Variants in RASGRF2 observed in about 807,000 individuals in gnomAD.
RASGRF2 encodes Ras protein specific guanine nucleotide releasing factor 2.
A neutral mutation model predicts 151.0 loss-of-function variants in RASGRF2; 76 were observed. That is an observed-to-expected ratio of 0.50 (90% CI 0.42 to 0.61). RASGRF2 has a LOEUF of 0.61. Ranked by LOEUF, RASGRF2 falls within the 20% of genes least tolerant of loss-of-function variation. The pLI is 0.00. For missense variants in RASGRF2, 1,148 were observed against 1,564.6 expected, an observed-to-expected ratio of 0.73 and a Z score of 4.49; for synonymous variants, 504 against 566.5, an observed-to-expected ratio of 0.89 and a Z score of 1.57.
At chr5:81,049,199 A>C (rs1396536450) in intron 2 of RASGRF2, among the ~76,000 whole-genome samples, 2 of 151,802 alleles carry the variant, frequency 1.3e-5, no homozygotes, top group African/African-American at 4.8e-5. Flanking sequence ...GACAATACAA[A>C]AGTAAAGAGT....
At chr5:81,164,607 C>A (rs528851845) in intron 17 of RASGRF2, among the ~76,000 whole-genome samples, 1 of 152,218 alleles carries the variant, frequency 6.6e-6, no homozygotes, top group East Asian at 1.9e-4. Flanking sequence ...TAAATCATTT[C>A]TTGGGAAGTT....
intron 12 of RASGRF2, 118 bp from the exon 13 acceptor site, chr5:81,108,878 G>A (rs1198301612): frequency 1.7e-6 from 2 of 1,150,798 alleles, no homozygotes; most frequent in African/African-American, 1.7e-5. Flanking sequence ...GTGTGTGTGT[G>A]TGTAAGAGAC....
At chr5:81,112,111 A>C (rs1753012201) in intron 13 of RASGRF2, among the ~76,000 whole-genome samples, 1 of 152,182 alleles carries the variant, frequency 6.6e-6, no homozygotes, top group South Asian at 2.1e-4. Flanking sequence ...TGGCTTTCCA[A>C]AAACTTGATA....
intron 5 of RASGRF2, among the ~76,000 whole-genome samples, chr5:81,076,083 A>G (rs1751927905): frequency 6.6e-6 from 1 of 152,236 alleles, no homozygotes; most frequent in African/African-American, 2.4e-5. Flanking sequence ...GCAATAACTT[A>G]GAATTGACCA....
rs11383839 is a variant in RASGRF2 at position 80,968,356 on chromosome 5, AT to A, written c.288+7341del. The stretch of plus-strand genomic sequence containing the variant: ...TTGTTTTATCTGTCTCCATGTGTAC[AT>A]TTTTTTTTTTGTTAGACCACTTTAA... On this transcript the variant is annotated intron_variant, in intron 1 of 26. Coordinates refer to ENST00000265080, the MANE Select transcript of RASGRF2 (RefSeq NM_006909.3). Among the ~76,000 whole-genome samples, 106 of 149,184 alleles carry A rather than the reference AT, an allele frequency of 7.1e-4. 1 individual carries two copies. Among genetic ancestry groups the A allele is most frequent in the East Asian group, 2.2e-3 (11 of 5,036 alleles).
intron 17 of RASGRF2, among the ~76,000 whole-genome samples, chr5:81,133,005 C>T (rs1374814423): frequency 6.6e-6 from 1 of 152,144 alleles, no homozygotes; most frequent in Non-Finnish European, 1.5e-5. Flanking sequence ...TTCTTGGAAT[C>T]GCAACAGCTA....
intron 1 of RASGRF2, among the ~76,000 whole-genome samples, chr5:80,973,908 A>T (rs1265070723): frequency 1.3e-5 from 2 of 152,344 alleles, no homozygotes; most frequent in Middle Eastern, 3.4e-3. Flanking sequence ...GAAACAGCTG[A>T]CCAGTAATAA....
At chr5:81,092,737 T>C in intron 9 of RASGRF2, 64 bp from the exon 10 acceptor site, 1 of 1,468,222 alleles carries the variant, frequency 6.8e-7, no homozygotes, top group Non-Finnish European at 9.3e-7. Flanking sequence ...TTTATTGCCG[T>C]GGACATGGTC....
chr5:81,030,183 C>G (rs372149456), intron 1 of RASGRF2, among the ~76,000 whole-genome samples: 104 of 152,236 alleles, frequency 6.8e-4, no homozygotes, highest in African/African-American at 2.4e-3. Flanking sequence ...ATTGGTGTAC[C>G]TGAAAGTGAT....
intron 15 of RASGRF2, among the ~76,000 whole-genome samples, chr5:81,119,206 A>C (rs1223241910): frequency 6.6e-6 from 1 of 152,136 alleles, no homozygotes; most frequent in Non-Finnish European, 1.5e-5. Context: ...TATAGCAGTA[A>C]CCTCACTTCT....
intron 17 of RASGRF2, among the ~76,000 whole-genome samples, chr5:81,153,716 C>A (rs1301703738): frequency 6.6e-6 from 1 of 151,994 alleles, no homozygotes; most frequent in Non-Finnish European, 1.5e-5. Context: ...AGAACCATAT[C>A]AAATTCCATT....
intron 13 of RASGRF2, among the ~76,000 whole-genome samples, chr5:81,110,230 A>T (rs1752958011): frequency 6.6e-6 from 1 of 152,306 alleles, no homozygotes; most frequent in Non-Finnish European, 1.5e-5. Flanking sequence ...TCCTTTTAAA[A>T]CTTACCAATT....
In RASGRF2 at chr5:81,123,754, T is replaced by C; in HGVS notation, c.2583T>C (p.Tyr861=). The C allele has an allele frequency of 1.2e-6, 2 of 1,613,840 alleles. No individual in the cohort carries two copies. The highest frequency in any genetic ancestry group is 2.2e-5 in the South Asian group (2 of 91,036). Residue 861 remains tyrosine (Y), a synonymous_variant, in exon 16 of 27, where the codon TAT becomes TAC. Transcript: ENST00000265080. ...RSPSTPRHLR[Y]RQPGGQTADN... is the part of the protein sequence containing the mutation. ...CCTCAACTCCTCGGCACCTCCGCTA[T>C]CGACAGCCTGGAGGTAAGAGCTCAA...
chr5:81,077,283 G>A (rs1751967183), intron 5 of RASGRF2, among the ~76,000 whole-genome samples: 1 of 152,162 alleles, frequency 6.6e-6, no homozygotes, highest in African/African-American at 2.4e-5. Flanking sequence ...CAATCAAAGG[G>A]GTGTTGACCG....
intron 9 of RASGRF2, chr5:81,087,672 T>G: frequency 5.1e-6 from 2 of 395,654 alleles, no homozygotes; most frequent in Non-Finnish European, 9.1e-6. Flanking sequence ...CCCAAGTTAT[T>G]TTTTTAGTGC....
chr5:81,013,890 T>C (rs1335426442), intron 1 of RASGRF2, among the ~76,000 whole-genome samples: 1 of 152,178 alleles, frequency 6.6e-6, no homozygotes. Context: ...TAGTACCCTG[T>C]CTGATGGGTG....
intron 1 of RASGRF2, among the ~76,000 whole-genome samples, chr5:80,995,684 T>TCCCCC (rs34823229): frequency 1.2e-3 from 82 of 69,396 alleles, no homozygotes; most frequent in East Asian, 6.5e-3. Flanking sequence ...TTCCTTTCCT[T>TCCCCC]CCCCCCCCCT....
chr5:81,145,838 T>C (rs1448235262), intron 17 of RASGRF2, among the ~76,000 whole-genome samples: 1 of 152,208 alleles, frequency 6.6e-6, no homozygotes, highest in Non-Finnish European at 1.5e-5. Flanking sequence ...TGTGAGATAA[T>C]AAGTGTTTGT....
intron 18 of RASGRF2, among the ~76,000 whole-genome samples, chr5:81,198,384 G>A (rs971979536): frequency 6.6e-6 from 1 of 152,038 alleles, no homozygotes; most frequent in Non-Finnish European, 1.5e-5. Context: ...TTCTGTTTCT[G>A]CATTAGTTTG....
Sources: gnomAD v4.1 joint callset for allele counts (sites outside exome capture counted in the v4.1 genomes callset) on GRCh38, gnomAD v4.1.1 for gene constraint, MANE v1.5 for transcripts, NCBI Gene and HGNC (gene_info 2026-07-23, HGNC 2026-07-21) for gene names.